The following HEATR1 variants were observed in gnomAD, a reference collection of about 807,000 sequenced individuals.
HEATR1 encodes HEAT repeat-containing protein 1.
A neutral mutation model predicts 248.2 loss-of-function variants in HEATR1; 77 were observed. The observed-to-expected ratio is 0.31, with a 90% CI of 0.26 to 0.37. The LOEUF is 0.37. HEATR1 is among the 10% of genes least tolerant of loss of function. The probability of loss-of-function intolerance (pLI) is 1.00; values close to 1 mark genes in which losing one functional copy is unlikely to be tolerated. For synonymous variants in HEATR1, 897 were observed against 923.1 expected (o/e 0.97, Z 0.51); for missense variants, 2,420 against 2,504.9 (o/e 0.97, Z 0.72).
chr1:236,572,964 C>G, intron 24 of HEATR1, 136 bp from the exon 25 acceptor site: 2 of 769,004 alleles, frequency 2.6e-6, no homozygotes, highest in African/African-American at 1.7e-5. Flanking sequence ...TGAACCCCCC[C>G]CAGCATTGGA....
intron 33 of HEATR1, among the ~76,000 whole-genome samples, chr1:236,560,227 C>T (rs1663092954): frequency 6.6e-6 from 1 of 151,868 alleles, no homozygotes. Flanking sequence ...CACACACAGG[C>T]ACACACACGC....
At position 236,555,821 on chromosome 1, in the gene HEATR1, C is replaced by T. The variant is rs1382579222; in HGVS notation, c.5633G>A (p.Arg1878Gln). The change falls in exon 39 of 45, where the codon CGA (arginine) becomes CAA (glutamine). Residue 1878 changes from arginine (R) to glutamine (Q), a missense_variant. Transcript: ENST00000366582. The part of the protein sequence containing the change: ...TAFFLEALDF[R>Q]AQHSENDLEE... ...TGAGCTTACCTCAGAGTGCTGGGCT[C>T]GGAAGTCCAGGGCTTCCAGGAAAAA... 5.6e-6 allele frequency: 9 copies of T among 1,613,972 alleles called. No individual in the cohort carries two copies. The Admixed American group carries it at 6.7e-5, about 12-fold the overall frequency.
intron 22 of HEATR1, 73 bp from the exon 23 acceptor site, chr1:236,574,976 CA>C: frequency 7.1e-7 from 1 of 1,414,386 alleles, no homozygotes; most frequent in Non-Finnish European, 9.5e-7. Context: ...CAGAGACACT[CA>C]AAGCCTGCTG....
chr1:236,597,125 CAA>C (rs59433755), intron 5 of HEATR1, 149 bp from the exon 6 acceptor site: 560 of 378,984 alleles, frequency 1.5e-3, no homozygotes, highest in South Asian at 5.1e-3. Context: ...TCCATGTCTC[CAA>C]AAAAAAAAAA....
At chr1:236,588,154 C>T (rs1663943199) in intron 12 of HEATR1, 111 bp from the exon 13 acceptor site, 1 of 707,102 alleles carries the variant, frequency 1.4e-6, no homozygotes, top group African/African-American at 1.8e-5. Flanking sequence ...GACAGTCTAA[C>T]ACAGGCTCTG....
intron 12 of HEATR1, among the ~76,000 whole-genome samples, chr1:236,590,551 A>T (rs1005353531): frequency 6.6e-6 from 1 of 152,214 alleles, no homozygotes; most frequent in African/African-American, 2.4e-5. Context: ...AAAACTAAAA[A>T]AATTCTCAGA....
chr1:236,590,972 G>A lies in HEATR1; in HGVS notation c.1423-18C>T, dbSNP rs371306342. ...GCTAAAAACTACAGGGTTCAACATA[G>A]TTATCAAATGATTTCACTTAATCTG... On this transcript the variant is annotated intron_variant, in intron 11 of 44. Transcript: ENST00000366582. The A allele has an allele frequency of 4.0e-6, 5 of 1,238,064 alleles. No individual in the cohort carries two copies. The African/African-American group carries it at 6.1e-5, about 15-fold the overall frequency. 76.7% of individuals were successfully genotyped at this position (1,238,064 alleles called of 1,614,324 possible).
At position 236,585,130 on chromosome 1, in the gene HEATR1, G is replaced by T; in HGVS notation, c.2136C>A (p.Val712=). 6.2e-7 allele frequency: 1 copy of T among 1,614,026 alleles called. No homozygotes were observed. The part of the protein sequence containing the change: ...VTFHVILSVL[V]SCCSSLKETH... ...TTTCTTTTAAAGATGAACAACAAGAGACGAGCACAGACAGGATCACATGAA... is the reference window on the plus strand; with the variant it reads ...TTTCTTTTAAAGATGAACAACAAGATACGAGCACAGACAGGATCACATGAA... The change falls in exon 17 of 45, where the codon GTC becomes GTA. Residue 712 remains valine, a synonymous_variant. Transcript: ENST00000366582.
intron 42 of HEATR1, 56 bp from the exon 43 acceptor site, chr1:236,553,795 T>TG (rs1662857264): frequency 1.3e-6 from 2 of 1,527,500 alleles, no homozygotes; most frequent in East Asian, 4.5e-5. Flanking sequence ...TTCTTCTGTT[T>TG]GAAAAAATAT....
At chr1:236,577,046 C>A in intron 20 of HEATR1, 97 bp from the exon 21 acceptor site, 1 of 929,764 alleles carries the variant, frequency 1.1e-6, no homozygotes, top group Non-Finnish European at 1.6e-6. Flanking sequence ...AAAAGTTTCC[C>A]TTCGAATTCA....
intron 24 of HEATR1, 148 bp downstream of exon 24, chr1:236,574,054 T>G (rs1203934118): frequency 1.8e-6 from 1 of 568,942 alleles, no homozygotes; most frequent in Non-Finnish European, 2.9e-6. Context: ...ATTTTATGCC[T>G]CTCTCTGACT....
chr1:236,586,650 A>AT (rs1182940297), intron 14 of HEATR1, among the ~76,000 whole-genome samples, 198 bp from the exon 15 acceptor site: 1 of 151,908 alleles, frequency 6.6e-6, no homozygotes, highest in Non-Finnish European at 1.5e-5. Context: ...TTATTTATTT[A>AT]TTTTTTGTAC....
At chr1:236,582,204 A>T (rs1663768723) in intron 19 of HEATR1, among the ~76,000 whole-genome samples, 1 of 152,012 alleles carries the variant, frequency 6.6e-6, no homozygotes, top group African/African-American at 2.4e-5. Flanking sequence ...TCCCAGGTTC[A>T]TGCCATTCTC....
At position 236,595,721 on chromosome 1, in the gene HEATR1, AAT is replaced by A. The variant is rs762250629; in HGVS notation, c.957-50_957-49del. 2.6e-6 allele frequency: 4 copies of A among 1,557,450 alleles called. No individual in the cohort carries two copies. The African/African-American group carries it at 4.1e-5, about 16-fold the overall frequency. Reference sequence around the variant, plus strand: ...ATCGTGTTGACTTTACAAGTTAGACAATGAGTAACAATATAAGAAAATATATA... The same window carrying A: ...ATCGTGTTGACTTTACAAGTTAGACAGAGTAACAATATAAGAAAATATATA... On this transcript the variant is annotated intron_variant, in intron 7 of 44. Transcript: ENST00000366582.
chr1:236,585,218 T>C lies in HEATR1; in HGVS notation c.2050-2A>G. ...ACCCACGCTTATTAAATCCTCCACC[T>C]TGAAAAATAAACACACTCTATTACC... is the stretch of plus-strand genomic sequence containing the variant. On this transcript the variant is annotated splice_acceptor_variant, in intron 16 of 44. Transcript: ENST00000366582. LOFTEE classifies it high-confidence loss of function. 1.2e-6 allele frequency: 2 copies of C among 1,601,442 alleles called. No individual in the cohort carries two copies. Among genetic ancestry groups the C allele is most frequent in the Non-Finnish European group, 1.7e-6 (2 of 1,176,198 alleles).
chr1:236,587,473 G>A lies in HEATR1; in HGVS notation c.1644C>T (p.Phe548=). ...GATTTGAAATCGTCACTTCTGAACT[G>A]AAGTGTTCTTTGAAAATCTAAAGGG... The part of the protein sequence containing the change: ...ISAFEIFKEH[F]SSEVTISNLL... Residue 548 remains phenylalanine (F), a synonymous_variant, in exon 14 of 45, where the codon TTC becomes TTT. Transcript: ENST00000366582. 6.6e-7 allele frequency: 1 copy of A among 1,518,128 alleles called. No individual in the cohort carries two copies. The highest frequency in any genetic ancestry group is 8.9e-7 in the Non-Finnish European group (1 of 1,125,746). 94.0% of individuals were successfully genotyped at this position (1,518,128 alleles called of 1,614,324 possible).
chr1:236,552,608 CTG>C (rs1460809883), intron 43 of HEATR1: 1 of 152,268 alleles, frequency 6.6e-6, no homozygotes, highest in Non-Finnish European at 1.5e-5. Flanking sequence ...AAAAAACATT[CTG>C]TGTCACAATA....
At chr1:236,566,621 T>A in intron 30 of HEATR1, 25 bp downstream of exon 30, 1 of 1,531,306 alleles carries the variant, frequency 6.5e-7, no homozygotes, top group Non-Finnish European at 9.0e-7. Context: ...ACCATTTTCC[T>A]TATCTTCCCA....
chr1:236,560,610 C>A (rs550343244), intron 33 of HEATR1, among the ~76,000 whole-genome samples: 1 of 152,328 alleles, frequency 6.6e-6, no homozygotes, highest in African/African-American at 2.4e-5. Flanking sequence ...AGGGCAGGCA[C>A]TTTCCAGTGG....
Sources: allele counts gnomAD v4.1 joint callset (sites outside exome capture counted in the v4.1 genomes callset), GRCh38; gene constraint gnomAD v4.1.1; transcripts MANE v1.5; gene names NCBI Gene and HGNC (gene_info 2026-07-23, HGNC 2026-07-21).